ST8SIA1: variants seen among roughly 807,000 people sequenced by gnomAD.
ST8SIA1 encodes the protein alpha-N-acetylneuraminide alpha-2,8-sialyltransferase.
ST8SIA1 carries 16 observed loss-of-function variants against 35.9 expected under a neutral mutation model. That is an observed-to-expected ratio of 0.45 (90% CI 0.30 to 0.68). The LOEUF (loss-of-function observed/expected upper bound fraction) is 0.68. Among genes scored for constraint, ST8SIA1 ranks in the 30% least tolerant of loss-of-function variants. The pLI is 0.09. For missense variants in ST8SIA1, 383 were observed against 453.6 expected (o/e 0.84, Z 1.41); for synonymous variants, 170 against 169.6 (o/e 1.00, Z -0.02).
intron 4 of ST8SIA1, among the ~76,000 whole-genome samples, chr12:22,236,831 A>G (rs553541264): frequency 6.6e-6 from 1 of 152,356 alleles, no homozygotes; most frequent in South Asian, 2.1e-4. Context: ...ATGGACATTT[A>G]TGCAGTAACT....
At chr12:22,220,729 C>T (rs1392721586) in intron 4 of ST8SIA1, among the ~76,000 whole-genome samples, 1 of 152,144 alleles carries the variant, frequency 6.6e-6, no homozygotes, top group African/African-American at 2.4e-5. Flanking sequence ...CTAATTTTTC[C>T]CTCCCAGGAT....
At chr12:22,208,817 T>C (rs1865144072) in intron 4 of ST8SIA1, among the ~76,000 whole-genome samples, 1 of 152,170 alleles carries the variant, frequency 6.6e-6, no homozygotes, top group South Asian at 2.1e-4. Context: ...TCTAAAAATG[T>C]ACCTAAGCAT....
At chr12:22,297,963 G>A (rs1228187967) in intron 1 of ST8SIA1, among the ~76,000 whole-genome samples, 2 of 152,206 alleles carry the variant, frequency 1.3e-5, no homozygotes, top group East Asian at 1.9e-4. Context: ...GGAGGAAAGG[G>A]TGGCTGAAGT....
chr12:22,215,367 T>A (rs1029128599), intron 4 of ST8SIA1, among the ~76,000 whole-genome samples: 1 of 152,214 alleles, frequency 6.6e-6, no homozygotes, highest in Non-Finnish European at 1.5e-5. Context: ...GGTGCTGTTC[T>A]ATGCACTGAG....
intron 4 of ST8SIA1, among the ~76,000 whole-genome samples, chr12:22,211,845 G>A (rs1481437916): frequency 1.3e-5 from 2 of 152,118 alleles, no homozygotes; most frequent in Non-Finnish European, 2.9e-5. Flanking sequence ...CCGAGTAGCT[G>A]GGACTTCAGG....
At chr12:22,255,257 G>A (rs765809988) in intron 3 of ST8SIA1, 23 bp downstream of exon 3, 31 of 1,596,580 alleles carry the variant, frequency 1.9e-5, no homozygotes, top group South Asian at 8.8e-5. Flanking sequence ...GGCAGAGGCC[G>A]CGCTGTGGGT....
chr12:22,204,022 G>A (rs1865078684), intron 4 of ST8SIA1, among the ~76,000 whole-genome samples: 1 of 152,066 alleles, frequency 6.6e-6, no homozygotes, highest in African/African-American at 2.4e-5. Flanking sequence ...TAAGCTGTCT[G>A]GCTTTCTGCA....
At position 22,211,552 on chromosome 12, in the gene ST8SIA1, G is replaced by A. The variant is rs117601824; in HGVS notation, c.585-9514C>T. ...ATGAAATAGGTTGAAGATCAAATAT[G>A]TATTTCACAAGGTCAAAGCCTTATC... On this transcript the variant is annotated intron_variant, in intron 4 of 4. Transcript: ENST00000396037. 3.8e-3 allele frequency among the ~76,000 whole-genome samples: 580 copies of A among 152,276 alleles called. 3 individuals are homozygous for A. Among genetic ancestry groups the A allele is most frequent in the Non-Finnish European group, 6.2e-3 (422 of 68,022 alleles).
chr12:22,200,662 A>G lies in ST8SIA1; in HGVS notation c.*890T>C, dbSNP rs983083506. 3 of 152,222 alleles carry G rather than the reference A, an allele frequency of 2.0e-5. No individual in the cohort carries two copies. Among genetic ancestry groups the G allele is most frequent in the Non-Finnish European group, 2.9e-5 (2 of 68,032 alleles). 9.4% of individuals were successfully genotyped at this position (152,222 alleles called of 1,614,324 possible). ...TCCACAGAGACTAAGCTTTTCATCAACGTGCTTTACTGCATTTCTGAACAT... is the reference window on the plus strand; with the variant it reads ...TCCACAGAGACTAAGCTTTTCATCAGCGTGCTTTACTGCATTTCTGAACAT... On this transcript the variant is annotated 3_prime_UTR_variant, in exon 5 of 5. Coordinates refer to ENST00000396037, the MANE Select transcript of ST8SIA1 (RefSeq NM_003034.4).
At chr12:22,325,667 C>A in intron 1 of ST8SIA1, 2 of 610,048 alleles carry the variant, frequency 3.3e-6, no homozygotes, top group Non-Finnish European at 5.8e-6. Context: ...TGGTACCAAG[C>A]CCTATATACC....
chr12:22,260,102 G>A (rs1385534137), intron 2 of ST8SIA1, among the ~76,000 whole-genome samples: 1 of 151,458 alleles, frequency 6.6e-6, no homozygotes, highest in African/African-American at 2.4e-5. Flanking sequence ...TACTCTAAAT[G>A]CAAGGATAGA....
chr12:22,301,605 T>C lies in ST8SIA1; in HGVS notation c.237-14312A>G, dbSNP rs570613203. 2.6e-5 allele frequency among the ~76,000 whole-genome samples: 4 copies of C among 152,328 alleles called. No individual in the cohort carries two copies. The East Asian group carries it at 5.8e-4, about 22-fold the overall frequency. The stretch of plus-strand genomic sequence containing the variant: ...AAGTTCAATAAGAATATGTTTTCAT[T>C]TGTAACAGGACACAGTTGGAGAAAC... On this transcript the variant is annotated intron_variant, in intron 1 of 4. Transcript: ENST00000396037.
rs1866674058 is a variant in ST8SIA1 at position 22,325,988 on chromosome 12, C to T, written c.236+8009G>A. The T allele has an allele frequency of 4.7e-6, 3 of 641,552 alleles. No homozygotes were observed. In the East Asian group the frequency reaches 8.5e-5, roughly 18 times the overall value. The allele number at this position is 641,552 out of a possible 1,614,324, so 39.7% of individuals were successfully genotyped here. A position where few individuals can be genotyped will look rare whatever the true frequency, so the allele number is the denominator to read the frequency against. On this transcript the variant is annotated intron_variant, in intron 1 of 4. Coordinates refer to ENST00000396037, the MANE Select transcript of ST8SIA1 (RefSeq NM_003034.4). ...AAGACATAGTGGGACAAAGTGAAAT[C>T]TCATCACGCTACTCAAAACAGAGCA...
At chr12:22,222,378 C>A (rs1208256672) in intron 4 of ST8SIA1, among the ~76,000 whole-genome samples, 1 of 151,996 alleles carries the variant, frequency 6.6e-6, no homozygotes, top group Non-Finnish European at 1.5e-5. Context: ...TTGCTCTACT[C>A]GAGTATTTTT....
At chr12:22,272,980 G>A (rs1865928747) in intron 2 of ST8SIA1, among the ~76,000 whole-genome samples, 1 of 152,156 alleles carries the variant, frequency 6.6e-6, no homozygotes, top group South Asian at 2.1e-4. Flanking sequence ...ATTATCTAAT[G>A]ACACAAGAGT....
intron 1 of ST8SIA1, among the ~76,000 whole-genome samples, chr12:22,291,711 T>C (rs1866179249): frequency 2.0e-5 from 3 of 152,230 alleles, no homozygotes; most frequent in Admixed American, 2.0e-4. Flanking sequence ...TCTCTTTATG[T>C]GCTTTCTATG....
chr12:22,285,821 G>T (rs1417388708), intron 2 of ST8SIA1, among the ~76,000 whole-genome samples: 1 of 133,430 alleles, frequency 7.5e-6, no homozygotes, highest in Admixed American at 8.7e-5. Context: ...AGTGACCCAA[G>T]ATCATGCTAC....
At chr12:22,247,095 C>T (rs2120744538) in intron 4 of ST8SIA1, among the ~76,000 whole-genome samples, 1 of 119,530 alleles carries the variant, frequency 8.4e-6, no homozygotes. Flanking sequence ...TCATCTCCTT[C>T]CCTCCCTCCC....
At chr12:22,285,792 C>T (rs960319984) in intron 2 of ST8SIA1, among the ~76,000 whole-genome samples, 1 of 149,246 alleles carries the variant, frequency 6.7e-6, no homozygotes, top group Non-Finnish European at 1.5e-5. Flanking sequence ...ACTGCTTGAA[C>T]CTGAAAGGTG....
Sources: allele counts gnomAD v4.1 joint callset (sites outside exome capture counted in the v4.1 genomes callset), GRCh38; gene constraint gnomAD v4.1.1; transcripts MANE v1.5; gene names NCBI Gene and HGNC (gene_info 2026-07-23, HGNC 2026-07-21).